NCAM2: variants seen among roughly 807,000 people sequenced by gnomAD.
NCAM2 encodes the protein neural cell adhesion molecule 2.
In NCAM2, 30 loss-of-function variants were observed where a neutral mutation model predicts 98.1. The observed-to-expected ratio is 0.31, with a 90% CI of 0.23 to 0.41. The LOEUF is 0.41. NCAM2 is among the 10% of genes least tolerant of loss of function. NCAM2 has a pLI of 1.00. For missense variants in NCAM2, 867 were observed against 1,005.8 expected (o/e 0.86, Z 1.87); for synonymous variants, 368 against 342.4 (o/e 1.07, Z -0.83).
intron 16 of NCAM2, among the ~76,000 whole-genome samples, chr21:21,514,943 T>A (rs1338341737): frequency 2.6e-5 from 4 of 152,168 alleles, no homozygotes; most frequent in Non-Finnish European, 4.4e-5. Context: ...GTTCTCCAAG[T>A]TTGTTGTTCT....
chr21:21,125,987 A>C (rs1489595338), intron 1 of NCAM2, among the ~76,000 whole-genome samples: 1 of 151,672 alleles, frequency 6.6e-6, no homozygotes, highest in East Asian at 1.9e-4. Context: ...TTTAGTATTT[A>C]TTCCATTTAA....
At chr21:21,042,521 T>C (rs2064927152) in intron 1 of NCAM2, among the ~76,000 whole-genome samples, 1 of 152,140 alleles carries the variant, frequency 6.6e-6, no homozygotes, top group African/African-American at 2.4e-5. Flanking sequence ...GATATAAGCC[T>C]CATTTTTCTG....
chr21:21,206,446 T>G (rs950922177), intron 1 of NCAM2, among the ~76,000 whole-genome samples: 2 of 152,112 alleles, frequency 1.3e-5, no homozygotes, highest in African/African-American at 4.8e-5. Context: ...TCTAAACTAA[T>G]TATAATCCAT....
chr21:21,182,367 T>C (rs1272153880), intron 1 of NCAM2, among the ~76,000 whole-genome samples: 1 of 152,166 alleles, frequency 6.6e-6, no homozygotes, highest in South Asian at 2.1e-4. Flanking sequence ...ATGAATTCTC[T>C]GCACAGTAGA....
intron 1 of NCAM2, among the ~76,000 whole-genome samples, chr21:21,057,496 G>A (rs1040622433): frequency 3.9e-5 from 6 of 151,992 alleles, no homozygotes; most frequent in African/African-American, 4.8e-5. Flanking sequence ...TACTTTCATT[G>A]TACAGTGTCG....
At chr21:21,247,805 A>G (rs756395401) in intron 1 of NCAM2, among the ~76,000 whole-genome samples, 6 of 152,214 alleles carry the variant, frequency 3.9e-5, no homozygotes, top group Admixed American at 1.3e-4. Flanking sequence ...AGTAGGAATC[A>G]ATTTATCTGA....
At chr21:21,385,743 A>T in intron 9 of NCAM2, 1 of 932,014 alleles carries the variant, frequency 1.1e-6, no homozygotes, top group South Asian at 1.6e-5. Flanking sequence ...AGTTTAATGC[A>T]GTAAGCACTG....
At chr21:21,191,781 T>C (rs953681036) in intron 1 of NCAM2, among the ~76,000 whole-genome samples, 3 of 152,146 alleles carry the variant, frequency 2.0e-5, no homozygotes, top group Admixed American at 6.6e-5. Context: ...GCACTGAAAA[T>C]ACAAATGAGA....
At chr21:21,080,670 A>C (rs796291506) in intron 1 of NCAM2, among the ~76,000 whole-genome samples, 2 of 146,438 alleles carry the variant, frequency 1.4e-5, no homozygotes, top group East Asian at 2.0e-4. Flanking sequence ...AAAAAAAAAA[A>C]AAAAAAAAAA....
chr21:21,360,526 C>T (rs916695627), intron 8 of NCAM2, among the ~76,000 whole-genome samples: 2 of 151,914 alleles, frequency 1.3e-5, no homozygotes, highest in Non-Finnish European at 2.9e-5. Flanking sequence ...GTATTTCATA[C>T]TCTTTCAAAT....
intron 1 of NCAM2, among the ~76,000 whole-genome samples, chr21:21,059,588 A>T (rs2065280744): frequency 6.6e-6 from 1 of 152,114 alleles, no homozygotes; most frequent in Non-Finnish European, 1.5e-5. Context: ...TCTAGACTTC[A>T]TCTTTTACAT....
chr21:21,109,023 A>T (rs768998303), intron 1 of NCAM2, among the ~76,000 whole-genome samples: 2 of 152,104 alleles, frequency 1.3e-5, no homozygotes, highest in Non-Finnish European at 2.9e-5. Context: ...TCTGATGTCT[A>T]ACTAATTGTG....
At chr21:21,175,107 T>C (rs1402739825) in intron 1 of NCAM2, among the ~76,000 whole-genome samples, 1 of 152,136 alleles carries the variant, frequency 6.6e-6, no homozygotes, top group Admixed American at 6.5e-5. Flanking sequence ...TAATTTGATA[T>C]GTCTTTTGAG....
Position 21,210,967 on chromosome 21 carries a change from A to AACACACACACACACACAC in NCAM2, c.56-69572_56-69555dup, listed in dbSNP as rs71195310. Among the ~76,000 whole-genome samples, 50 of 127,378 alleles carry AACACACACACACACACAC rather than the reference A, an allele frequency of 3.9e-4. 1 individual carries two copies. Among genetic ancestry groups the AACACACACACACACACAC allele is most frequent in the African/African-American group, 1.3e-3 (39 of 30,892 alleles). The allele number at this position is 127,378 out of a possible 152,430, so 83.6% of individuals were successfully genotyped here. A position where few individuals can be genotyped will look rare whatever the true frequency, so the allele number is the denominator to read the frequency against. Reference sequence around the variant, plus strand: ...CAGGAGTTTACTAATACTCTCCCCAAACACACACACACACACACACACACA... The same window carrying AACACACACACACACACAC: ...CAGGAGTTTACTAATACTCTCCCCAAACACACACACACACACACACACACACACACACACACACACACA... On this transcript the variant is annotated intron_variant, in intron 1 of 17. Transcript: ENST00000400546.
chr21:21,513,007 A>G (rs979188156), intron 16 of NCAM2, among the ~76,000 whole-genome samples: 1 of 152,094 alleles, frequency 6.6e-6, no homozygotes, highest in Non-Finnish European at 1.5e-5. Context: ...CATTTTCTAA[A>G]TATAAGATCT....
intron 9 of NCAM2, among the ~76,000 whole-genome samples, chr21:21,390,409 C>T (rs1304770773): frequency 1.3e-5 from 2 of 151,990 alleles, no homozygotes; most frequent in Non-Finnish European, 2.9e-5. Context: ...TACAAGCAGT[C>T]TTCTCAGATC....
intron 1 of NCAM2, among the ~76,000 whole-genome samples, chr21:21,163,084 CA>C (rs2067837440): frequency 6.6e-6 from 1 of 152,068 alleles, no homozygotes; most frequent in Admixed American, 6.6e-5. Flanking sequence ...AATGTTGAAG[CA>C]AAAAGAGATG....
intron 1 of NCAM2, among the ~76,000 whole-genome samples, chr21:21,191,468 C>T (rs1260394065): frequency 6.6e-6 from 1 of 152,116 alleles, no homozygotes; most frequent in African/African-American, 2.4e-5. Context: ...TTAGCACAAA[C>T]TTACATGCTT....
chr21:21,099,518 C>T (rs1394936925), intron 1 of NCAM2, among the ~76,000 whole-genome samples: 3 of 151,718 alleles, frequency 2.0e-5, no homozygotes, highest in Non-Finnish European at 4.4e-5. Flanking sequence ...GAGGGAAGCT[C>T]CTTATAAAAC....
Sources: allele counts gnomAD v4.1 joint callset (sites outside exome capture counted in the v4.1 genomes callset), GRCh38; gene constraint gnomAD v4.1.1; transcripts MANE v1.5; gene names NCBI Gene and HGNC (gene_info 2026-07-23, HGNC 2026-07-21).